The following RARB variants were observed in gnomAD, a reference collection of about 807,000 sequenced individuals.
The protein encoded by RARB is HBV-activated protein.
In RARB, 17 loss-of-function variants were observed where a neutral mutation model predicts 51.9. The observed-to-expected ratio is 0.33, with a 90% CI of 0.22 to 0.49. The LOEUF is 0.49. Among genes scored for constraint, RARB ranks in the 20% least tolerant of loss-of-function variants. RARB has a pLI of 0.99. For missense variants in RARB, 369 were observed against 550.8 expected (o/e 0.67, Z 3.30); for synonymous variants, 215 against 195.4 (o/e 1.10, Z -0.84).
At chr3:25,216,378 A>G (rs1019754647) in intron 5 of RARB, among the ~76,000 whole-genome samples, 3 of 152,252 alleles carry the variant, frequency 2.0e-5, no homozygotes, top group Non-Finnish European at 1.5e-5. Context: ...AATGTAGTAC[A>G]TATACACCAT....
At chr3:25,515,931 G>C (rs181619857) in intron 3 of RARB, among the ~76,000 whole-genome samples, 1 of 152,336 alleles carries the variant, frequency 6.6e-6, no homozygotes, top group East Asian at 1.9e-4. Context: ...TAGAGAAATT[G>C]TGTTATCATC....
intron 1 of RARB, among the ~76,000 whole-genome samples, chr3:25,447,870 A>G (rs1175539466): frequency 6.6e-6 from 1 of 152,158 alleles, no homozygotes; most frequent in African/African-American, 2.4e-5. Flanking sequence ...GGAAAATGGA[A>G]GTGAAGGTCA....
intron 5 of RARB, among the ~76,000 whole-genome samples, chr3:25,281,228 G>C (rs1703513745): frequency 6.6e-6 from 1 of 152,144 alleles, no homozygotes. Flanking sequence ...GGAGCCAGTG[G>C]GGACATTTCA....
chr3:25,302,429 A>G (rs1009384045), intron 5 of RARB, among the ~76,000 whole-genome samples: 4 of 151,956 alleles, frequency 2.6e-5, no homozygotes, highest in African/African-American at 9.7e-5. Context: ...ATTCAGCCAT[A>G]AAAAAAATGA....
chr3:25,169,866 T>C (rs2125350830), intron 4 of RARB, among the ~76,000 whole-genome samples: 1 of 152,156 alleles, frequency 6.6e-6, no homozygotes, highest in South Asian at 2.1e-4. Flanking sequence ...CACACACCTA[T>C]AGTTCCAGCT....
chr3:25,274,161 A>G (rs1049614338), intron 5 of RARB, among the ~76,000 whole-genome samples: 3 of 152,232 alleles, frequency 2.0e-5, no homozygotes, highest in Non-Finnish European at 4.4e-5. Context: ...TAATTTCAAC[A>G]ATATGTTTCA....
chr3:25,244,656 A>T (rs1188575731), intron 5 of RARB, among the ~76,000 whole-genome samples: 1 of 152,154 alleles, frequency 6.6e-6, no homozygotes, highest in African/African-American at 2.4e-5. Flanking sequence ...TTCTAATTTG[A>T]TTACACTGTG....
At chr3:24,869,912 T>C (rs1702916211) in intron 2 of RARB, among the ~76,000 whole-genome samples, 1 of 152,056 alleles carries the variant, frequency 6.6e-6, no homozygotes, top group Non-Finnish European at 1.5e-5. Flanking sequence ...CATCAGCCTT[T>C]TATATTGTGA....
chr3:24,996,922 T>C (rs1408244355), intron 2 of RARB, among the ~76,000 whole-genome samples: 3 of 152,180 alleles, frequency 2.0e-5, no homozygotes, highest in East Asian at 1.9e-4. Context: ...GAAAAGAATG[T>C]ATATTCTGTA....
At chr3:25,128,989 A>T (rs748580776) in intron 3 of RARB, among the ~76,000 whole-genome samples, 2 of 152,166 alleles carry the variant, frequency 1.3e-5, no homozygotes, top group Admixed American at 6.6e-5. Context: ...CTGAAATTAA[A>T]AAACATAGAG....
At chr3:25,322,742 C>A (rs76908521) in intron 5 of RARB, among the ~76,000 whole-genome samples, 1 of 151,880 alleles carries the variant, frequency 6.6e-6, no homozygotes, top group Non-Finnish European at 1.5e-5. Flanking sequence ...TTAAGATAAA[C>A]ACTACTTTAA....
intron 2 of RARB, among the ~76,000 whole-genome samples, chr3:25,020,702 T>C (rs1559436494): frequency 6.6e-6 from 1 of 152,168 alleles, no homozygotes; most frequent in Non-Finnish European, 1.5e-5. Context: ...GCAGTGCTTA[T>C]GTTGTGGAGA....
At chr3:25,396,402 G>T (rs896895513) in intron 5 of RARB, among the ~76,000 whole-genome samples, 2 of 152,226 alleles carry the variant, frequency 1.3e-5, no homozygotes, top group Admixed American at 1.3e-4. Flanking sequence ...ACAGGCAGTG[G>T]AATCAACTGT....
chr3:25,203,155 C>T (rs892344971), intron 5 of RARB, among the ~76,000 whole-genome samples: 1 of 152,160 alleles, frequency 6.6e-6, no homozygotes, highest in African/African-American at 2.4e-5. Context: ...GTTAGCTCTT[C>T]TTGTTGAATT....
chr3:25,163,065 C>T (rs1465358023), intron 4 of RARB, among the ~76,000 whole-genome samples: 1 of 152,200 alleles, frequency 6.6e-6, no homozygotes, highest in Non-Finnish European at 1.5e-5. Flanking sequence ...TCAATGTCTG[C>T]ATATCCTTCC....
At chr3:24,945,697 C>A (rs536945245) in intron 2 of RARB, among the ~76,000 whole-genome samples, 1 of 152,216 alleles carries the variant, frequency 6.6e-6, no homozygotes, top group Admixed American at 6.5e-5. Context: ...ATTGCTGAAG[C>A]ATCTTTATAT....
intron 2 of RARB, among the ~76,000 whole-genome samples, chr3:24,859,303 A>G (rs1461103661): frequency 2.0e-5 from 3 of 152,060 alleles, no homozygotes; most frequent in Non-Finnish European, 2.9e-5. Flanking sequence ...GGTTGGGGAG[A>G]GAGTTGTGAC....
chr3:25,021,355 T>C (rs148097949), intron 2 of RARB, among the ~76,000 whole-genome samples: 12 of 152,276 alleles, frequency 7.9e-5, no homozygotes, highest in African/African-American at 2.6e-4. Context: ...TTTGTAGTCT[T>C]GTCACTTGAA....
At chr3:25,155,061 C>G (rs182417439) in intron 4 of RARB, among the ~76,000 whole-genome samples, 10 of 152,300 alleles carry the variant, frequency 6.6e-5, no homozygotes, top group Admixed American at 5.9e-4. Flanking sequence ...TCTGTTATTT[C>G]TTCTCATTGC....
Sources: allele counts gnomAD v4.1 joint callset (sites outside exome capture counted in the v4.1 genomes callset), GRCh38; gene constraint gnomAD v4.1.1; transcripts MANE v1.5; gene names NCBI Gene and HGNC (gene_info 2026-07-23, HGNC 2026-07-21).